TLR6: variants seen among roughly 807,000 people sequenced by gnomAD.
TLR6 encodes toll like receptor 6.
In TLR6, 9 loss-of-function variants were observed where a neutral mutation model predicts 16.1. The observed-to-expected ratio is 0.56, with a 90% CI of 0.34 to 0.98. The LOEUF (loss-of-function observed/expected upper bound fraction) is 0.98, where lower values mean the gene tolerates loss of function less well. Among genes scored for constraint, TLR6 ranks in the 50% least tolerant of loss-of-function variants. The probability of loss-of-function intolerance (pLI) is 0.02; values close to 1 mark genes in which losing one functional copy is unlikely to be tolerated. For synonymous variants in TLR6, 340 were observed against 338.6 expected, an observed-to-expected ratio of 1.00 and a Z score of -0.04; for missense variants, 786 against 921.0, an observed-to-expected ratio of 0.85 and a Z score of 1.90.
At chr4:38,843,974 G>C (rs1712403067) in intron 1 of TLR6, among the ~76,000 whole-genome samples, 1 of 152,220 alleles carries the variant, frequency 6.6e-6, no homozygotes, top group Non-Finnish European at 1.5e-5. Flanking sequence ...CAAACAGTGA[G>C]GATGAGTTCC....
At chr4:38,828,736 G>C in exon 2 of TLR6, 1 of 1,613,826 alleles carries the variant, frequency 6.2e-7, no homozygotes, top group Non-Finnish European at 8.5e-7. Context: ...TTGAACCTCT[G>C]GTGAGTTCTG....
chr4:38,828,921 CT>C lies in TLR6; in HGVS notation c.552del (p.Glu185LysfsTer10), dbSNP rs746366581. 1 of 1,608,452 alleles carries C rather than the reference CT, an allele frequency of 6.2e-7. No individual in the cohort carries two copies. The highest frequency in any genetic ancestry group is 1.1e-5 in the South Asian group (1 of 89,712). ...ATTTGTAGACTTTCTGTCTCATTTT[CT>C]TTTATATAATAATTTCTTAAATCCA... On this transcript the variant is annotated frameshift_variant, in exon 2 of 2. Coordinates refer to ENST00000436693, the Ensembl canonical transcript of TLR6. LOFTEE classifies it low-confidence loss of function (END_TRUNC).
exon 2 of TLR6, chr4:38,824,147 G>A (rs1415951489): frequency 1.3e-5 from 2 of 151,576 alleles, no homozygotes; most frequent in Non-Finnish European, 1.5e-5. Flanking sequence ...TTTCCCGCAT[G>A]GGACCGTTTC....
At chr4:38,843,662 C>CT (rs1712385930) in intron 1 of TLR6, 1 of 152,206 alleles carries the variant, frequency 6.6e-6, no homozygotes, top group South Asian at 2.1e-4. Flanking sequence ...AGTGAAAACT[C>CT]TGAGTTGGGG....
the TLR6 span, among the ~76,000 whole-genome samples, chr4:38,864,082 C>T: frequency 6.6e-6 from 1 of 152,206 alleles, no homozygotes; most frequent in Non-Finnish European, 1.5e-5. Context: ...CTGTTCATTT[C>T]CCTACTTCCT....
chr4:38,866,472 G>A, the TLR6 span, among the ~76,000 whole-genome samples: 1 of 151,700 alleles, frequency 6.6e-6, no homozygotes, highest in Admixed American at 6.6e-5. Flanking sequence ...CAGCCTGGAC[G>A]ACAGAGCAAG....
chr4:38,858,889 GAGAA>G (rs1432506939), upstream of TLR6, among the ~76,000 whole-genome samples: 23 of 48,934 alleles, frequency 4.7e-4, 1 homozygote, highest in South Asian at 0.013. Flanking sequence ...GAAAGAAAGA[GAGAA>G]AGAAAGAAAG....
the TLR6 span, among the ~76,000 whole-genome samples, chr4:38,865,868 G>T: frequency 6.6e-6 from 1 of 152,242 alleles, no homozygotes; most frequent in Non-Finnish European, 1.5e-5. Flanking sequence ...GCTGGGTGTG[G>T]TGGCTCACGC....
chr4:38,853,052 T>C (rs1193573568), intron 1 of TLR6, among the ~76,000 whole-genome samples: 2 of 150,230 alleles, frequency 1.3e-5, no homozygotes, highest in African/African-American at 4.9e-5. Flanking sequence ...TATGCAGCCA[T>C]AAAAAAGGAT....
chr4:38,839,313 A>ATT (rs1712128145), intron 1 of TLR6, among the ~76,000 whole-genome samples: 7 of 151,892 alleles, frequency 4.6e-5, no homozygotes, highest in African/African-American at 1.2e-4. Context: ...TTTTTTTTAA[A>ATT]AAAAATTAAT....
At chr4:38,858,788 A>G (rs1713102103), upstream of TLR6, among the ~76,000 whole-genome samples, 1 of 50,208 alleles carries the variant, frequency 2.0e-5, no homozygotes, top group Non-Finnish European at 3.4e-5. Context: ...AGAGAGAGAG[A>G]GAGGGAGAGA....
chr4:38,831,739 A>G (rs560701215), intron 1 of TLR6, among the ~76,000 whole-genome samples: 1 of 152,360 alleles, frequency 6.6e-6, no homozygotes, highest in East Asian at 1.9e-4. Flanking sequence ...ATATGTAAAG[A>G]GCAAATACAC....
chr4:38,830,715 AAAAT>A (rs1369833169), intron 1 of TLR6, among the ~76,000 whole-genome samples: 13 of 152,174 alleles, frequency 8.5e-5, no homozygotes, highest in Admixed American at 7.9e-4. Context: ...ACCCTGTCAA[AAAAT>A]AAATAAATAA....
At chr4:38,842,743 CT>C (rs1712338965) in intron 1 of TLR6, among the ~76,000 whole-genome samples, 1 of 152,224 alleles carries the variant, frequency 6.6e-6, no homozygotes, top group Non-Finnish European at 1.5e-5. Flanking sequence ...ACCTAATCAC[CT>C]TCCAGAGGCT....
At chr4:38,829,249 T>C (rs1282531488) in exon 2 of TLR6, 3 of 1,614,188 alleles carry the variant, frequency 1.9e-6, no homozygotes, top group Admixed American at 1.7e-5. Context: ...TCAACTCTGA[T>C]AGAAAGCTCA....
At chr4:38,835,609 A>T (rs1711872535) in intron 1 of TLR6, among the ~76,000 whole-genome samples, 1 of 152,240 alleles carries the variant, frequency 6.6e-6, no homozygotes, top group Non-Finnish European at 1.5e-5. Flanking sequence ...ACTGCACTTT[A>T]GACAAAATGG....
chr4:38,867,743 C>T, the TLR6 span: 13 of 151,130 alleles, frequency 8.6e-5, no homozygotes, highest in African/African-American at 2.4e-4. Context: ...CCTCTCCAGC[C>T]GCCCGCCCTC....
At chr4:38,828,369 T>C in exon 2 of TLR6, 2 of 1,613,168 alleles carry the variant, frequency 1.2e-6, no homozygotes, top group East Asian at 2.2e-5. Flanking sequence ...TTTTCAAAAA[T>C]ACTATCTGTG....
At chr4:38,836,028 T>C (rs1713202822) in intron 1 of TLR6, among the ~76,000 whole-genome samples, 1 of 151,538 alleles carries the variant, frequency 6.6e-6, no homozygotes, top group African/African-American at 2.4e-5. Flanking sequence ...AGTAGAAAGA[T>C]TTGAAATAAA....
Sources: allele counts gnomAD v4.1 joint callset (sites outside exome capture counted in the v4.1 genomes callset), GRCh38; gene constraint gnomAD v4.1.1; transcripts MANE v1.5; gene names NCBI Gene and HGNC (gene_info 2026-07-23, HGNC 2026-07-21).